ALG2: variants seen among roughly 807,000 people sequenced by gnomAD.
ALG2 encodes ALG2 alpha-1,3/1,6-mannosyltransferase, also known as alpha-1,3/1,6-mannosyltransferase ALG2.
In ALG2, 32 loss-of-function variants were observed where a neutral mutation model predicts 30.5. The observed-to-expected ratio is 1.05, with a 90% CI of 0.79 to 1.41. ALG2 has a LOEUF of 1.41. Among genes scored for constraint, ALG2 ranks in the 40% most tolerant of loss-of-function variants. The pLI is 0.00. For missense variants in ALG2, 574 were observed against 526.4 expected (o/e 1.09, Z -0.88); for synonymous variants, 253 against 224.8 (o/e 1.13, Z -1.12).
At position 99,217,233 on chromosome 9, in the gene ALG2, T is replaced by C. The variant is rs941351101; in HGVS notation, c.*701A>G. ...TACCCTAAACAAGATGCACAACACA[T>C]GTGTGACAATATTCTTGCTTCATTT... On this transcript the variant is annotated 3_prime_UTR_variant, in exon 2 of 2. Transcript: ENST00000476832. The C allele has an allele frequency of 2.4e-5, 11 of 454,000 alleles. No homozygotes were observed. The East Asian group carries it at 2.8e-4, about 11-fold the overall frequency. The allele number at this position is 454,000 out of a possible 1,614,324, so 28.1% of individuals were successfully genotyped here. A position where few individuals can be genotyped will look rare whatever the true frequency, so the allele number is the denominator to read the frequency against.
At position 99,221,537 on chromosome 9, in the gene ALG2, G is replaced by T. The variant is rs1040699617; in HGVS notation, c.348+10C>A. On this transcript the variant is annotated intron_variant, in intron 1 of 1. Transcript: ENST00000476832. ...CCGCACTCGCGCAGCCGGCCCCGCG[G>T]CCGCCTCACCTGGTCGCACACTACC... 4 of 1,541,854 alleles carry T rather than the reference G, an allele frequency of 2.6e-6. No homozygotes were observed. The highest frequency in any genetic ancestry group is 3.5e-6 in the Non-Finnish European group (4 of 1,145,928).
chr9:99,220,079 G>T (rs1451974015), intron 1 of ALG2, among the ~76,000 whole-genome samples: 1 of 152,190 alleles, frequency 6.6e-6, no homozygotes, highest in African/African-American at 2.4e-5. Context: ...TACATTGTGG[G>T]GGAGTAAAGT....
Position 99,217,709 on chromosome 9 carries a change from A to G in ALG2, c.*225T>C, listed in dbSNP as rs1234939129. The G allele has an allele frequency of 1.5e-6, 1 of 662,606 alleles. No individual in the cohort carries two copies. The highest frequency in any genetic ancestry group is 1.8e-5 in the African/African-American group (1 of 56,644). The allele number at this position is 662,606 out of a possible 1,614,324, so 41.0% of individuals were successfully genotyped here. A position where few individuals can be genotyped will look rare whatever the true frequency, so the allele number is the denominator to read the frequency against. On this transcript the variant is annotated 3_prime_UTR_variant, in exon 2 of 2. Coordinates refer to ENST00000476832, the MANE Select transcript of ALG2 (RefSeq NM_033087.4). ...GAACATGGAATGACACCACATTTGT[A>G]ACTTAACACTGGCAAAATTTGGAAT...
At position 99,221,797 on chromosome 9, in the gene ALG2, ACCAGCCGCT is replaced by A; in HGVS notation, c.89_97del (p.Glu30_Leu32del). Reference sequence around the variant, plus strand: ...CTGCAGCGCCAGCGCCGCGTCCAACACCAGCCGCTCAGCGCCGCCCACGCCCAGGTCTGG... The same window carrying A: ...CTGCAGCGCCAGCGCCGCGTCCAACACAGCGCCGCCCACGCCCAGGTCTGG... On this transcript the variant is annotated inframe_deletion, in exon 1 of 2. Coordinates refer to ENST00000476832, the MANE Select transcript of ALG2 (RefSeq NM_033087.4). 1 of 1,597,330 alleles carries A rather than the reference ACCAGCCGCT, an allele frequency of 6.3e-7. No homozygotes were observed. The highest frequency in any genetic ancestry group is 8.5e-7 in the Non-Finnish European group (1 of 1,179,284).
chr9:99,218,019 G>C lies in ALG2; in HGVS notation c.1166C>G (p.Ala389Gly). 1 of 1,614,222 alleles carries C rather than the reference G, an allele frequency of 6.2e-7. No homozygotes were observed. The highest frequency in any genetic ancestry group is 8.5e-7 in the Non-Finnish European group (1 of 1,180,042). ...EPSLKATMGLAGRARVKEKFS... is the reference protein window; with the variant it reads ...EPSLKATMGLGGRARVKEKFS... ...TTTTTCCTTCACTCTGGCTCTTCCA[G>C]CCAGGCCCATGGTGGCTTTTAAGGA... The change falls in exon 2 of 2, where the codon GCT (alanine) becomes GGT (glycine). Residue 389 changes from alanine to glycine, a missense_variant. By Grantham distance (60) the Ala-to-Gly change is moderately conservative. Transcript: ENST00000476832.
rs780869371 is a variant in ALG2, at chr9:99,221,558, C to T, written c.337G>A (p.Val113Met). ...CGCGGCCGCCTCACCTGGTCGCACA[C>T]TACCACGTCGAACTCCTCGTCGGCG... ...FLADEEFDVV[V>M]CDQVSACIPV... The change falls in exon 1 of 2, where the codon GTG becomes ATG. Residue 113 changes from valine to methionine, a missense_variant. Transcript: ENST00000476832. The T allele has an allele frequency of 2.6e-6, 4 of 1,544,166 alleles. No homozygotes were observed. The highest frequency in any genetic ancestry group is 1.2e-5 in the South Asian group (1 of 84,066).
Position 99,218,292 on chromosome 9 carries a change from G to T in ALG2, c.893C>A (p.Thr298Asn). The change falls in exon 2 of 2, where the codon ACC becomes AAC. Residue 298 changes from threonine to asparagine, a missense_variant. By Grantham distance (65) the Thr-to-Asn change is moderately conservative. Coordinates refer to ENST00000476832, the MANE Select transcript of ALG2 (RefSeq NM_033087.4). Reference sequence around the variant, plus strand: ...TTTGTCTGAGAAAGACCTCAAGAAGGTCACATACTGGCCAAGGTCGGACTG... The same window carrying T: ...TTTGTCTGAGAAAGACCTCAAGAAGTTCACATACTGGCCAAGGTCGGACTG... The part of the protein sequence containing the change: ...VQQSDLGQYV[T>N]FLRSFSDKQK... 1.9e-6 allele frequency: 3 copies of T among 1,614,212 alleles called. No individual in the cohort carries two copies. Among genetic ancestry groups the T allele is most frequent in the South Asian group, 1.1e-5 (1 of 91,084 alleles).
chr9:99,217,256 T>C lies in ALG2; in HGVS notation c.*678A>G. 2.2e-6 allele frequency: 1 copy of C among 454,156 alleles called. No homozygotes were observed. Among genetic ancestry groups the C allele is most frequent in the Non-Finnish European group, 4.4e-6 (1 of 226,790 alleles). The allele number at this position is 454,156 out of a possible 1,614,324, so 28.1% of individuals were successfully genotyped here. A position where few individuals can be genotyped will look rare whatever the true frequency, so the allele number is the denominator to read the frequency against. On this transcript the variant is annotated 3_prime_UTR_variant, in exon 2 of 2. Transcript: ENST00000476832. ...CATGTGTGACAATATTCTTGCTTCA[T>C]TTCAATATCCACTTTACCCTAGTGT...
Position 99,218,519 on chromosome 9 carries a change from C to T in ALG2, c.666G>A (p.Lys222=), listed in dbSNP as rs765882870. The change falls in exon 2 of 2, where the codon AAG becomes AAA. Residue 222 remains lysine, a synonymous_variant. Coordinates refer to ENST00000476832, the MANE Select transcript of ALG2 (RefSeq NM_033087.4). ...VPEKLDDLVP[K]GKKFLLLSIN... is the part of the protein sequence containing the mutation. Reference sequence around the variant, plus strand: ...TGGAGAGCAGCAGGAATTTTTTCCCCTTGGGGACTAGGTCATCCAGCTTTT... The same window carrying T: ...TGGAGAGCAGCAGGAATTTTTTCCCTTTGGGGACTAGGTCATCCAGCTTTT... 4.3e-5 allele frequency: 70 copies of T among 1,614,008 alleles called. No homozygotes were observed. Among genetic ancestry groups the T allele is most frequent in the Non-Finnish European group, 5.8e-5 (68 of 1,180,024 alleles).
At chr9:99,221,160 T>A (rs1426395642) in intron 1 of ALG2, 1 of 1,368,600 alleles carries the variant, frequency 7.3e-7, no homozygotes, top group Admixed American at 2.0e-5. Flanking sequence ...TCAACAAAAA[T>A]AACAGGTAAG....
chr9:99,216,601 G>C lies in ALG2; in HGVS notation c.*1333C>G. 6.6e-6 allele frequency: 3 copies of C among 453,994 alleles called. No homozygotes were observed. The highest frequency in any genetic ancestry group is 1.3e-5 in the Non-Finnish European group (3 of 226,772). 28.1% of individuals were successfully genotyped at this position (453,994 alleles called of 1,614,324 possible). A position where few individuals can be genotyped will look rare whatever the true frequency, so the allele number is the denominator to read the frequency against. ...TGAAGAGCCCCAAAAGAACAATATG[G>C]TAGTGCAGCATGAACTAACATGCAA... On this transcript the variant is annotated 3_prime_UTR_variant, in exon 2 of 2. Coordinates refer to ENST00000476832, the MANE Select transcript of ALG2 (RefSeq NM_033087.4).
At chr9:99,219,474 C>T (rs191686735) in intron 1 of ALG2, among the ~76,000 whole-genome samples, 326 of 152,278 alleles carry the variant, frequency 2.1e-3, no homozygotes, top group African/African-American at 7.6e-3. Context: ...GTAATTTATC[C>T]CACTCTGGGC....
At chr9:99,218,915 G>A (rs539459729) in intron 1 of ALG2, 79 bp from the exon 2 acceptor site, 217 of 1,499,568 alleles carry the variant, frequency 1.4e-4, no homozygotes, top group Non-Finnish European at 1.8e-4. Flanking sequence ...CACCCACCCC[G>A]TCTGGCTAGT....
In ALG2 at chr9:99,216,539, A is replaced by G; in HGVS notation, c.*1395T>C. The G allele has an allele frequency of 4.4e-6, 2 of 454,146 alleles. No homozygotes were observed. Among genetic ancestry groups the G allele is most frequent in the Non-Finnish European group, 8.8e-6 (2 of 226,808 alleles). The allele number at this position is 454,146 out of a possible 1,614,324, so 28.1% of individuals were successfully genotyped here. A position where few individuals can be genotyped will look rare whatever the true frequency, so the allele number is the denominator to read the frequency against. On this transcript the variant is annotated 3_prime_UTR_variant, in exon 2 of 2. Coordinates refer to ENST00000476832, the MANE Select transcript of ALG2 (RefSeq NM_033087.4). ...TTGCCAAAATACTCCTGTGATACAG[A>G]TGCACATGATAAACTGTAAAATGGA...
chr9:99,219,426 G>A (rs1046514979), intron 1 of ALG2, among the ~76,000 whole-genome samples: 1 of 152,200 alleles, frequency 6.6e-6, no homozygotes, highest in Non-Finnish European at 1.5e-5. Flanking sequence ...AAGACTGCCA[G>A]GGTTTGAATC....
rs190309728 is a variant in ALG2, at chr9:99,216,579, A to G, written c.*1355T>C. ...TGTAAAATGGAATTTCACCCATTGAAGAGCCCCAAAAGAACAATATGGTAG... is the reference window on the plus strand; with the variant it reads ...TGTAAAATGGAATTTCACCCATTGAGGAGCCCCAAAAGAACAATATGGTAG... On this transcript the variant is annotated 3_prime_UTR_variant, in exon 2 of 2. Transcript: ENST00000476832. The G allele has an allele frequency of 2.2e-6, 1 of 454,150 alleles. No individual in the cohort carries two copies. Among genetic ancestry groups the G allele is most frequent in the South Asian group, 1.6e-5 (1 of 64,474 alleles). 28.1% of individuals were successfully genotyped at this position (454,150 alleles called of 1,614,324 possible). A position where few individuals can be genotyped will look rare whatever the true frequency, so the allele number is the denominator to read the frequency against.
Position 99,221,798 on chromosome 9 carries a change from C to A in ALG2, c.97G>T (p.Val33Leu). 2.5e-6 allele frequency: 4 copies of A among 1,598,242 alleles called. No homozygotes were observed. Among genetic ancestry groups the A allele is most frequent in the Non-Finnish European group, 3.4e-6 (4 of 1,179,426 alleles). Reference sequence around the variant, plus strand: ...TGCAGCGCCAGCGCCGCGTCCAACACCAGCCGCTCAGCGCCGCCCACGCCC... The same window carrying A: ...TGCAGCGCCAGCGCCGCGTCCAACAACAGCCGCTCAGCGCCGCCCACGCCC... ...DLGVGGAERL[V>L]LDAALALQAR... is the part of the protein sequence containing the mutation. The change falls in exon 1 of 2, where the codon GTG (valine) becomes TTG (leucine). Residue 33 changes from valine (V) to leucine (L), a missense_variant. Transcript: ENST00000476832.
chr9:99,221,899 C>T lies in ALG2; in HGVS notation c.-5G>A, dbSNP rs757415411. On this transcript the variant is annotated 5_prime_UTR_variant, in exon 1 of 2. Coordinates refer to ENST00000476832, the MANE Select transcript of ALG2 (RefSeq NM_033087.4). ...CCGGCCCTGCTCCTCCGCCATGGCC[C>T]TGGAGCCGCAACTGCACCCCGCACC... The T allele has an allele frequency of 1.9e-6, 3 of 1,582,660 alleles. No homozygotes were observed. In the South Asian group the frequency reaches 3.4e-5, roughly 18 times the overall value.
In ALG2 at chr9:99,221,900, T is replaced by C. The variant is rs746103624; in HGVS notation, c.-6A>G. ...CGGCCCTGCTCCTCCGCCATGGCCC[T>C]GGAGCCGCAACTGCACCCCGCACCC... On this transcript the variant is annotated 5_prime_UTR_variant, in exon 1 of 2. Transcript: ENST00000476832. The C allele has an allele frequency of 1.3e-5, 20 of 1,581,398 alleles. No homozygotes were observed. In the Admixed American group the frequency reaches 1.9e-4, roughly 15 times the overall value.
Sources: gnomAD v4.1 joint callset for allele counts (sites outside exome capture counted in the v4.1 genomes callset) on GRCh38, gnomAD v4.1.1 for gene constraint, MANE v1.5 for transcripts, NCBI Gene and HGNC (gene_info 2026-07-23, HGNC 2026-07-21) for gene names.